NCAPG2: variants seen among roughly 807,000 people sequenced by gnomAD.
The protein encoded by NCAPG2 is condensin-2 complex subunit G2.
In NCAPG2, 53 loss-of-function variants were observed where a neutral mutation model predicts 141.1. The ratio of observed to expected loss-of-function variants is 0.38; its 90% CI spans 0.30 to 0.47. The LOEUF is 0.47. Ranked by LOEUF, NCAPG2 falls within the 20% of genes least tolerant of loss-of-function variation. The pLI is 0.99. For synonymous variants in NCAPG2, 499 were observed against 490.7 expected (o/e 1.02, Z -0.22); for missense variants, 1,087 against 1,389.0 (o/e 0.78, Z 3.46).
rs1830952222 is a variant in NCAPG2, at chr7:158,645,625, AAAAAATCAAC to A, written c.3180-16_3180-7del. 1 of 1,612,316 alleles carries A rather than the reference AAAAAATCAAC, an allele frequency of 6.2e-7. No homozygotes were observed. The highest frequency in any genetic ancestry group is 1.7e-5 in the Admixed American group (1 of 60,012). ...TTAATTCATCCAAAAATGACCTGCAAAAAAATCAACAAACATCAAAATTACTGTATCATAT... is the reference window on the plus strand; with the variant it reads ...TTAATTCATCCAAAAATGACCTGCAAAAACATCAAAATTACTGTATCATAT... On this transcript the variant is annotated splice_region_variant and splice_polypyrimidine_tract_variant and intron_variant, in intron 25 of 27. Transcript: ENST00000356309.
At chr7:158,679,044 C>T (rs1200325980) in intron 11 of NCAPG2, among the ~76,000 whole-genome samples, 2 of 151,970 alleles carry the variant, frequency 1.3e-5, no homozygotes, top group Admixed American at 1.3e-4. Flanking sequence ...TTTGTAGAGA[C>T]GAGGTCTCAC....
Position 158,655,251 on chromosome 7 carries a change from G to A in NCAPG2, c.2513C>T (p.Ser838Leu), listed in dbSNP as rs781695848. 6.2e-7 allele frequency: 1 copy of A among 1,613,782 alleles called. No individual in the cohort carries two copies. Among genetic ancestry groups the A allele is most frequent in the Non-Finnish European group, 8.5e-7 (1 of 1,179,918 alleles). Residue 838 changes from serine to leucine, a missense_variant, in exon 21 of 28, where the codon TCA becomes TTA. Coordinates refer to ENST00000356309, the MANE Select transcript of NCAPG2 (RefSeq NM_017760.7). ...LSIHLQHKFCSEGKVYLSMLE... is the reference protein window; with the variant it reads ...LSIHLQHKFCLEGKVYLSMLE... ...CATGGACAAATACACCTTTCCTTCT[G>A]AGCAGAACTGTCCAAAAACAAGAAG...
chr7:158,668,360 T>TTACCCACTACTGGGTCCCTCCGCCCG (rs1833422311), intron 13 of NCAPG2: 2 of 805,992 alleles, frequency 2.5e-6, no homozygotes, highest in Non-Finnish European at 2.8e-6. Context: ...CCCTCCGCCC[T>TTACCCACTACTGGGTCCCTCCGCCCG]CCTTACCCAC....
chr7:158,675,411 C>A, intron 12 of NCAPG2, 66 bp downstream of exon 12: 3 of 1,372,330 alleles, frequency 2.2e-6, no homozygotes, highest in Non-Finnish European at 2.9e-6. Context: ...TAATCTTTTT[C>A]TTTTCCTGTT....
chr7:158,681,302 A>T (rs1338225324), intron 9 of NCAPG2, among the ~76,000 whole-genome samples: 2 of 152,220 alleles, frequency 1.3e-5, no homozygotes, highest in African/African-American at 4.8e-5. Flanking sequence ...GTATGAGATT[A>T]ATTTAGGTAT....
At chr7:158,681,065 A>G (rs1367795070) in intron 9 of NCAPG2, among the ~76,000 whole-genome samples, 1 of 152,216 alleles carries the variant, frequency 6.6e-6, no homozygotes, top group African/African-American at 2.4e-5. Context: ...GGGCTATAAA[A>G]TGGTTTGGGT....
intron 12 of NCAPG2, among the ~76,000 whole-genome samples, chr7:158,672,279 T>TGA: frequency 1.6e-4 from 1 of 6,258 alleles, no homozygotes; most frequent in Non-Finnish European, 2.6e-4. Context: ...TCCAAACACA[T>TGA]GTGTGTGTGT....
At chr7:158,660,401 C>CTTT (rs945928092) in intron 16 of NCAPG2, among the ~76,000 whole-genome samples, 1,391 of 72,732 alleles carry the variant, frequency 0.019, 104 homozygotes, top group African/African-American at 0.069. Context: ...TTTCAGCTTT[C>CTTT]TTTTTTTTTT....
Position 158,664,616 on chromosome 7 carries a change from C to T in NCAPG2, c.1614G>A (p.Glu538=). 1 of 1,614,118 alleles carries T rather than the reference C, an allele frequency of 6.2e-7. No homozygotes were observed. Among genetic ancestry groups the T allele is most frequent in the Non-Finnish European group, 8.5e-7 (1 of 1,180,032 alleles). The change falls in exon 14 of 28, where the codon GAG becomes GAA. Residue 538 remains glutamate, a synonymous_variant. Transcript: ENST00000356309. ...TCATCTGCACCAGGGTGACACAGCG[C>T]TCGCACCAGACCTCCTCCGGCTGAT... ...PVNQPEEVWC[E]RCVTLVQMNH... is the part of the protein sequence containing the mutation.
rs768955279 is a variant in NCAPG2, at chr7:158,644,376, C to G, written c.3293G>C (p.Ser1098Thr). The change falls in exon 27 of 28, where the codon AGC (serine) becomes ACC (threonine). Residue 1098 changes from serine to threonine, a missense_variant. Physicochemically the swap from Ser to Thr is moderately conservative, Grantham distance 58. Coordinates refer to ENST00000356309, the MANE Select transcript of NCAPG2 (RefSeq NM_017760.7). ...ILVINAGKHK[S>T]SKVREVAATV... ...GGCTGCAACCTCCCTCACTTTTGAG[C>G]TTTTATGTTTACCTGGGAAAATTAT... The G allele has an allele frequency of 1.2e-6, 2 of 1,613,442 alleles. No individual in the cohort carries two copies. The highest frequency in any genetic ancestry group is 2.7e-5 in the African/African-American group (2 of 74,912).
Position 158,672,302 on chromosome 7 carries a change from A to G in NCAPG2, c.1327-636T>C, listed in dbSNP as rs1253996389. 3.9e-4 allele frequency among the ~76,000 whole-genome samples: 8 copies of G among 20,306 alleles called. No individual in the cohort carries two copies. In the East Asian group the frequency reaches 7.4e-3, roughly 19 times the overall value. 13.3% of individuals were successfully genotyped at this position (20,306 alleles called of 152,430 possible). A position where few individuals can be genotyped will look rare whatever the true frequency, so the allele number is the denominator to read the frequency against. ...CATGTGTGTGTGTGTGTATATATAT[A>G]TATATATATATATATATATATATAT... On this transcript the variant is annotated intron_variant, in intron 12 of 27. Coordinates refer to ENST00000356309, the MANE Select transcript of NCAPG2 (RefSeq NM_017760.7).
chr7:158,648,963 C>CACGCCAA (rs1418397699), intron 24 of NCAPG2, among the ~76,000 whole-genome samples: 7 of 152,340 alleles, frequency 4.6e-5, no homozygotes, highest in African/African-American at 1.2e-4. Context: ...GGACTATAAC[C>CACGCCAA]ATGGCAAATG....
intron 16 of NCAPG2, among the ~76,000 whole-genome samples, chr7:158,660,271 C>T (rs1214221343): frequency 1.3e-5 from 2 of 152,078 alleles, no homozygotes; most frequent in East Asian, 3.9e-4. Flanking sequence ...TCCCAAGACC[C>T]TCTAAGGGTT....
At chr7:158,634,199 A>ATG (rs57019780) in intron 27 of NCAPG2, among the ~76,000 whole-genome samples, 87,808 of 151,234 alleles carry the variant, frequency 0.58, 25,722 homozygotes, top group Non-Finnish European at 0.6. Flanking sequence ...AAATCCACAG[A>ATG]TGTTCAAGTC....
At chr7:158,703,471 A>G (rs1053313115) in intron 1 of NCAPG2, among the ~76,000 whole-genome samples, 4 of 152,138 alleles carry the variant, frequency 2.6e-5, no homozygotes, top group Admixed American at 6.5e-5. Context: ...CCTCTAGACT[A>G]CCAAACTTAT....
chr7:158,655,000 TGTAA>T (rs140808), intron 21 of NCAPG2, 114 bp downstream of exon 21: 766,173 of 1,331,014 alleles, frequency 0.58, 223,303 homozygotes, highest in Non-Finnish European at 0.59. Context: ...TAAATGTCCC[TGTAA>T]GTTTTTAAGA....
intron 16 of NCAPG2, among the ~76,000 whole-genome samples, chr7:158,660,183 A>G (rs1832370775): frequency 6.6e-6 from 1 of 152,012 alleles, no homozygotes; most frequent in Admixed American, 6.6e-5. Context: ...CTCACCCATC[A>G]TCTCTTTACT....
chr7:158,643,777 G>A (rs1830805801), intron 27 of NCAPG2, among the ~76,000 whole-genome samples: 1 of 152,204 alleles, frequency 6.6e-6, no homozygotes, highest in African/African-American at 2.4e-5. Context: ...GTAAAATGCA[G>A]AGCATACCAA....
intron 13 of NCAPG2, among the ~76,000 whole-genome samples, chr7:158,670,075 G>A (rs1833585701): frequency 6.6e-6 from 1 of 152,172 alleles, no homozygotes; most frequent in Non-Finnish European, 1.5e-5. Context: ...AACACAACAG[G>A]ACAGAGTCCA....
Sources: allele counts gnomAD v4.1 joint callset (sites outside exome capture counted in the v4.1 genomes callset), GRCh38; gene constraint gnomAD v4.1.1; transcripts MANE v1.5; gene names NCBI Gene and HGNC (gene_info 2026-07-23, HGNC 2026-07-21).